The following RANBP2 variants were observed in gnomAD, a reference collection of about 807,000 sequenced individuals.
RANBP2 encodes the protein RAN binding protein 2.
RANBP2 carries 57 observed loss-of-function variants against 303.6 expected under a neutral mutation model. The observed-to-expected ratio is 0.19, with a 90% CI of 0.15 to 0.23. The LOEUF (loss-of-function observed/expected upper bound fraction) is 0.23. Ranked by LOEUF, RANBP2 falls within the 10% of genes least tolerant of loss-of-function variation. The pLI, the probability that RANBP2 is intolerant of heterozygous loss-of-function variation, is 1.00. For missense variants in RANBP2, 3,138 were observed against 3,780.8 expected (o/e 0.83, Z 4.46); for synonymous variants, 1,167 against 1,301.5 (o/e 0.90, Z 2.23).
the RANBP2 span, chr2:109,432,646 G>C: frequency 6.2e-7 from 1 of 1,612,476 alleles, no homozygotes; most frequent in South Asian, 1.1e-5. Context: ...GGTGTTCCCC[G>C]GAAACTACGT....
the RANBP2 span, among the ~76,000 whole-genome samples, chr2:109,742,369 C>G: frequency 4.6e-5 from 6 of 131,030 alleles, 1 homozygote; most frequent in African/African-American, 1.9e-4. Context: ...TGCAGTGAGC[C>G]GAGACCGTGC....
chr2:109,566,428 C>T, the RANBP2 span, among the ~76,000 whole-genome samples: 1 of 152,060 alleles, frequency 6.6e-6, no homozygotes, highest in African/African-American at 2.4e-5. Context: ...AGGTGTGAGC[C>T]ACCACACCTG....
At chr2:109,199,329 A>AATAAAATAAATAAAATAAATAAAAT in the RANBP2 span, among the ~76,000 whole-genome samples, 52 of 1,070 alleles carry the variant, frequency 0.049, no homozygotes, top group African/African-American at 0.15. Context: ...CTCAAAAAGT[A>AATAAAATAAATAAAATAAATAAAAT]AAATGGAATG....
the RANBP2 span, among the ~76,000 whole-genome samples, chr2:109,644,149 A>C: frequency 1.5e-5 from 2 of 131,238 alleles, no homozygotes; most frequent in East Asian, 2.2e-4. Context: ...ACAAAAAAAA[A>C]CTAAAAACTT....
At chr2:109,518,313 G>A in the RANBP2 span, among the ~76,000 whole-genome samples, 1 of 152,176 alleles carries the variant, frequency 6.6e-6, no homozygotes, top group Non-Finnish European at 1.5e-5. Context: ...AACTGAGCAC[G>A]GTGCTGGGCC....
the RANBP2 span, among the ~76,000 whole-genome samples, chr2:109,058,080 T>A: frequency 6.6e-6 from 1 of 152,226 alleles, no homozygotes; most frequent in African/African-American, 2.4e-5. Context: ...ACAGCTCACC[T>A]GTGTGCTGGC....
the RANBP2 span, among the ~76,000 whole-genome samples, chr2:109,551,184 T>C: frequency 6.6e-6 from 1 of 152,206 alleles, no homozygotes; most frequent in Non-Finnish European, 1.5e-5. Flanking sequence ...CATCTAATGT[T>C]CACACACTAT....
the RANBP2 span, among the ~76,000 whole-genome samples, chr2:109,385,795 A>T: frequency 7.9e-5 from 12 of 152,252 alleles, no homozygotes; most frequent in Non-Finnish European, 1.5e-5. Flanking sequence ...GGACTGAGGT[A>T]GGACCTGGCA....
the RANBP2 span, among the ~76,000 whole-genome samples, chr2:109,380,814 A>G: frequency 6.6e-6 from 1 of 152,162 alleles, no homozygotes; most frequent in Non-Finnish European, 1.5e-5. Flanking sequence ...GCAGACATCA[A>G]ACTTTTTAGA....
chr2:109,714,333 C>T, the RANBP2 span, among the ~76,000 whole-genome samples: 6 of 152,164 alleles, frequency 3.9e-5, no homozygotes, highest in Admixed American at 6.5e-5. Flanking sequence ...GACGGAGTCT[C>T]GCTCTGTCGC....
the RANBP2 span, among the ~76,000 whole-genome samples, chr2:108,998,090 A>G: frequency 8.2e-4 from 125 of 152,184 alleles, no homozygotes; most frequent in African/African-American, 2.8e-3. Flanking sequence ...TGCTCTCCCT[A>G]CACTCTGGGA....
At chr2:109,013,183 T>C in the RANBP2 span, among the ~76,000 whole-genome samples, 1 of 152,214 alleles carries the variant, frequency 6.6e-6, no homozygotes, top group Non-Finnish European at 1.5e-5. Flanking sequence ...CTCATGCCAG[T>C]AGTGCCTTCC....
At chr2:109,693,371 A>G in the RANBP2 span, among the ~76,000 whole-genome samples, 7,893 of 151,922 alleles carry the variant, frequency 0.052, 571 homozygotes, top group African/African-American at 0.16. Flanking sequence ...ACGGGGTTTC[A>G]CTGTGTGGCC....
At chr2:108,786,123 T>C (rs1678644433), downstream of RANBP2, among the ~76,000 whole-genome samples, 1 of 145,194 alleles carries the variant, frequency 6.9e-6, no homozygotes, top group African/African-American at 2.6e-5. Flanking sequence ...AAAGCTTTTT[T>C]CTTTTCAAAA....
chr2:108,953,960 G>C, the RANBP2 span, among the ~76,000 whole-genome samples: 1 of 152,140 alleles, frequency 6.6e-6, no homozygotes, highest in Admixed American at 6.5e-5. Context: ...AGATTACCAA[G>C]ATCCTAAAAC....
At chr2:108,817,903 T>C in the RANBP2 span, among the ~76,000 whole-genome samples, 2 of 152,210 alleles carry the variant, frequency 1.3e-5, no homozygotes, top group African/African-American at 2.4e-5. Flanking sequence ...GAATTTTGTC[T>C]CTTAGTACCT....
At chr2:108,772,252 G>C (rs1475400213) in intron 21 of RANBP2, among the ~76,000 whole-genome samples, 2 of 152,232 alleles carry the variant, frequency 1.3e-5, no homozygotes, top group Non-Finnish European at 2.9e-5. Flanking sequence ...CAGTTGGACA[G>C]TGGTATATAG....
At chr2:109,641,037 A>G in the RANBP2 span, among the ~76,000 whole-genome samples, 10 of 152,244 alleles carry the variant, frequency 6.6e-5, no homozygotes, top group African/African-American at 9.6e-5. Context: ...ACATAACTAC[A>G]AATAATGGCC....
the RANBP2 span, among the ~76,000 whole-genome samples, chr2:108,792,797 G>C: frequency 1.3e-5 from 2 of 152,212 alleles, no homozygotes; most frequent in Non-Finnish European, 2.9e-5. Context: ...AGGCGCGGTG[G>C]CTCACGCCTG....
Sources: gnomAD v4.1 joint callset for allele counts (sites outside exome capture counted in the v4.1 genomes callset) on GRCh38, gnomAD v4.1.1 for gene constraint, MANE v1.5 for transcripts, NCBI Gene and HGNC (gene_info 2026-07-23, HGNC 2026-07-21) for gene names.